INPP4B: variants seen among roughly 807,000 people sequenced by gnomAD.
INPP4B encodes the protein inositol polyphosphate 4-phosphatase type II.
A neutral mutation model predicts 122.5 loss-of-function variants in INPP4B; 55 were observed. That is an observed-to-expected ratio of 0.45 (90% confidence interval 0.36 to 0.56). INPP4B has a LOEUF of 0.56. Among genes scored for constraint, INPP4B ranks in the 20% least tolerant of loss-of-function variants. The probability of loss-of-function intolerance (pLI) is 0.00; values close to 1 mark genes in which losing one functional copy is unlikely to be tolerated. For missense variants in INPP4B, 1,000 were observed against 1,097.7 expected, an observed-to-expected ratio of 0.91 and a Z score of 1.26; for synonymous variants, 403 against 388.7, an observed-to-expected ratio of 1.04 and a Z score of -0.43.
At chr4:142,165,470 C>T (rs1822282344) in intron 16 of INPP4B, among the ~76,000 whole-genome samples, 1 of 151,660 alleles carries the variant, frequency 6.6e-6, no homozygotes, top group Non-Finnish European at 1.5e-5. Flanking sequence ...TTATCAAAGG[C>T]CACCAATGTT....
intron 2 of INPP4B, among the ~76,000 whole-genome samples, chr4:142,574,726 A>G (rs1293345009): frequency 6.6e-6 from 1 of 152,082 alleles, no homozygotes; most frequent in African/African-American, 2.4e-5. Flanking sequence ...GTTTTCTCAT[A>G]TCGCCATAAT....
intron 9 of INPP4B, among the ~76,000 whole-genome samples, chr4:142,274,612 T>A (rs1476697256): frequency 4.6e-5 from 7 of 151,922 alleles, no homozygotes; most frequent in Non-Finnish European, 8.8e-5. Flanking sequence ...ATATTATATA[T>A]GTCATACAGA....
intron 2 of INPP4B, among the ~76,000 whole-genome samples, chr4:142,648,263 T>C (rs1043504635): frequency 1.3e-5 from 2 of 152,176 alleles, no homozygotes; most frequent in African/African-American, 2.4e-5. Context: ...ATGCAGAAGA[T>C]GGGTGATTTC....
intron 7 of INPP4B, among the ~76,000 whole-genome samples, chr4:142,318,508 T>C (rs1333625258): frequency 6.6e-6 from 1 of 152,216 alleles, no homozygotes; most frequent in Non-Finnish European, 1.5e-5. Context: ...TTTTTGGTCT[T>C]ATCAGCAGTT....
intron 7 of INPP4B, among the ~76,000 whole-genome samples, chr4:142,352,174 T>A (rs1050196758): frequency 6.6e-6 from 1 of 151,968 alleles, no homozygotes; most frequent in East Asian, 1.9e-4. Context: ...AAGACCGCTT[T>A]GTGTTCCTGA....
chr4:142,385,746 A>T (rs1795756566), intron 7 of INPP4B, among the ~76,000 whole-genome samples: 1 of 152,018 alleles, frequency 6.6e-6, no homozygotes, highest in Non-Finnish European at 1.5e-5. Context: ...TTACTTGTGT[A>T]TTTTTTTATT....
chr4:142,787,533 G>A (rs930993293), intron 1 of INPP4B, among the ~76,000 whole-genome samples: 2 of 151,940 alleles, frequency 1.3e-5, no homozygotes, highest in African/African-American at 4.8e-5. Flanking sequence ...TTGTGTTTTA[G>A]CAGCACAAAA....
chr4:142,335,478 C>T (rs1776275683), intron 7 of INPP4B, among the ~76,000 whole-genome samples: 1 of 152,126 alleles, frequency 6.6e-6, no homozygotes, highest in Non-Finnish European at 1.5e-5. Flanking sequence ...CCCAAATCTC[C>T]CATGTATACC....
chr4:142,419,432 T>C (rs1350049314), intron 5 of INPP4B, among the ~76,000 whole-genome samples: 4 of 152,236 alleles, frequency 2.6e-5, no homozygotes, highest in African/African-American at 4.8e-5. Context: ...AATACCCGTA[T>C]GCTCAAACGG....
chr4:142,477,871 G>A (rs531751265), intron 2 of INPP4B, among the ~76,000 whole-genome samples: 2 of 152,144 alleles, frequency 1.3e-5, no homozygotes, highest in Non-Finnish European at 2.9e-5. Flanking sequence ...GATACCATTT[G>A]TAGTGAAACT....
chr4:142,754,229 A>G (rs1189013532), intron 1 of INPP4B, among the ~76,000 whole-genome samples: 1 of 152,052 alleles, frequency 6.6e-6, no homozygotes, highest in African/African-American at 2.4e-5. Context: ...ATTATTAGCT[A>G]CGGGGTTTCT....
intron 17 of INPP4B, among the ~76,000 whole-genome samples, chr4:142,153,912 G>A (rs1815785023): frequency 6.6e-6 from 1 of 152,130 alleles, no homozygotes; most frequent in Non-Finnish European, 1.5e-5. Flanking sequence ...GAACATTTGT[G>A]CATTTTAATG....
chr4:142,117,355 CAA>C (rs1053129917), intron 21 of INPP4B, among the ~76,000 whole-genome samples: 1 of 151,428 alleles, frequency 6.6e-6, no homozygotes, highest in East Asian at 1.9e-4. Flanking sequence ...AGAGACACAA[CAA>C]AAAAAAGAGA....
chr4:142,672,220 T>G (rs1375354459), intron 2 of INPP4B, among the ~76,000 whole-genome samples: 1 of 152,224 alleles, frequency 6.6e-6, no homozygotes, highest in African/African-American at 2.4e-5. Context: ...TCTGTACTTA[T>G]GTGTGAACAT....
At chr4:142,455,725 A>T (rs903574833) in intron 3 of INPP4B, among the ~76,000 whole-genome samples, 1 of 152,072 alleles carries the variant, frequency 6.6e-6, no homozygotes, top group South Asian at 2.1e-4. Flanking sequence ...TTGAGGAAAC[A>T]CCAAACTGTT....
At chr4:142,533,417 G>A (rs1487583445) in intron 2 of INPP4B, among the ~76,000 whole-genome samples, 1 of 151,944 alleles carries the variant, frequency 6.6e-6, no homozygotes, top group Non-Finnish European at 1.5e-5. Context: ...TGATTTTTAA[G>A]AAAGAGGAAT....
At chr4:142,654,987 G>C (rs146658711) in intron 2 of INPP4B, among the ~76,000 whole-genome samples, 151 of 152,166 alleles carry the variant, frequency 9.9e-4, no homozygotes, top group African/African-American at 3.6e-3. Flanking sequence ...AAGGATTCCT[G>C]AATCTAGTAT....
At chr4:142,125,410 A>C (rs1055689097) in intron 18 of INPP4B, among the ~76,000 whole-genome samples, 6 of 152,098 alleles carry the variant, frequency 3.9e-5, no homozygotes, top group African/African-American at 1.4e-4. Context: ...CAAACTCATG[A>C]AAGATTCTCC....
At chr4:142,524,228 C>A (rs1826515097) in intron 2 of INPP4B, among the ~76,000 whole-genome samples, 1 of 152,162 alleles carries the variant, frequency 6.6e-6, no homozygotes, top group African/African-American at 2.4e-5. Context: ...TGAGGAATCG[C>A]CGCACCGACT....
Sources: gnomAD v4.1 joint callset for allele counts (sites outside exome capture counted in the v4.1 genomes callset) on GRCh38, gnomAD v4.1.1 for gene constraint, MANE v1.5 for transcripts, NCBI Gene and HGNC (gene_info 2026-07-23, HGNC 2026-07-21) for gene names.